Variants in YKT6 observed in about 807,000 individuals in gnomAD.
YKT6 encodes the protein synaptobrevin homolog YKT6.
A neutral mutation model predicts 29.3 loss-of-function variants in YKT6; 12 were observed. The observed-to-expected ratio is 0.41, with a 90% CI of 0.26 to 0.66. The LOEUF (loss-of-function observed/expected upper bound fraction) is 0.66, where lower values mean the gene tolerates loss of function less well. Ranked by LOEUF, YKT6 falls within the 30% of genes least tolerant of loss-of-function variation. YKT6 has a pLI of 0.32. For missense variants in YKT6, 188 were observed against 243.8 expected (o/e 0.77, Z 1.52); for synonymous variants, 86 against 94.3 (o/e 0.91, Z 0.51).
chr7:44,207,301 G>T, intron 3 of YKT6, 87 bp from the exon 4 acceptor site: 1 of 1,117,672 alleles, frequency 8.9e-7, no homozygotes, highest in South Asian at 1.4e-5. Flanking sequence ...CCTCATTCAG[G>T]GTGAGGTGCT....
Position 44,213,584 on chromosome 7 carries a change from A to T in YKT6, c.*1302A>T, listed in dbSNP as rs2096349159. 1 of 152,328 alleles carries T rather than the reference A, an allele frequency of 6.6e-6. No homozygotes were observed. Among genetic ancestry groups the T allele is most frequent in the Non-Finnish European group, 1.5e-5 (1 of 68,164 alleles). The allele number at this position is 152,328 out of a possible 1,614,324, so 9.4% of individuals were successfully genotyped here. Reference sequence around the variant, plus strand: ...CCTGTGCTCAGGATGCAGCCCTGGGATCCAGCACCCATGGAAGCTTCTGCT... The same window carrying T: ...CCTGTGCTCAGGATGCAGCCCTGGGTTCCAGCACCCATGGAAGCTTCTGCT... On this transcript the variant is annotated 3_prime_UTR_variant, in exon 7 of 7. Transcript: ENST00000223369.
rs1583653025 is a variant in YKT6 at position 44,214,200 on chromosome 7, TC to T, written c.*1919del. 1 of 152,252 alleles carries T rather than the reference TC, an allele frequency of 6.6e-6. No individual in the cohort carries two copies. The highest frequency in any genetic ancestry group is 2.4e-5 in the African/African-American group (1 of 41,456). 9.4% of individuals were successfully genotyped at this position (152,252 alleles called of 1,614,324 possible). On this transcript the variant is annotated 3_prime_UTR_variant, in exon 7 of 7. Transcript: ENST00000223369. ...TGCTCCTGTTGTGTTCTGTTGTAAA[TC>T]ATTTGGCGAGACTGTATTTTAGTAA... is the stretch of plus-strand genomic sequence containing the variant.
chr7:44,207,594 A>T (rs546729927), intron 4 of YKT6, 102 bp downstream of exon 4: 2 of 946,948 alleles, frequency 2.1e-6, no homozygotes, highest in East Asian at 5.1e-5. Context: ...TACTTCTGAC[A>T]GCTTCTGATG....
intron 5 of YKT6, chr7:44,210,719 T>C: frequency 2.2e-6 from 1 of 445,580 alleles, no homozygotes; most frequent in Non-Finnish European, 4.4e-6. Flanking sequence ...TATAAATGTG[T>C]GTGTATATAT....
chr7:44,212,188 T>C (rs1044594031), intron 6 of YKT6, 59 bp from the exon 7 acceptor site: 26 of 1,609,000 alleles, frequency 1.6e-5, no homozygotes, highest in South Asian at 7.7e-5. Context: ...CCTGCCAGGA[T>C]TGGGGCTTCC....
chr7:44,211,742 G>C, intron 6 of YKT6: 1 of 509,224 alleles, frequency 2.0e-6, no homozygotes, highest in Non-Finnish European at 2.6e-6. Context: ...GGTGGGATTA[G>C]GAAGATAGTC....
Position 44,202,487 on chromosome 7 carries a change from T to C in YKT6, c.104+1248T>C, listed in dbSNP as rs192141187. ...CCATTCTAATTTGTCTCTGTGATTTTGACTTTTCTGGCGACCTTAGATAAA... is the reference window on the plus strand; with the variant it reads ...CCATTCTAATTTGTCTCTGTGATTTCGACTTTTCTGGCGACCTTAGATAAA... On this transcript the variant is annotated intron_variant, in intron 1 of 6. Coordinates refer to ENST00000223369, the MANE Select transcript of YKT6 (RefSeq NM_006555.4). Among the ~76,000 whole-genome samples, 4 of 152,356 alleles carry C rather than the reference T, an allele frequency of 2.6e-5. No homozygotes were observed. The East Asian group carries it at 7.7e-4, about 29-fold the overall frequency.
At chr7:44,211,591 C>T in intron 6 of YKT6, 2 of 1,009,794 alleles carry the variant, frequency 2.0e-6, no homozygotes, top group Non-Finnish European at 2.4e-6. Context: ...CTGCTGACTG[C>T]CGCTTTCTCT....
intron 5 of YKT6, 85 bp from the exon 6 acceptor site, chr7:44,210,938 C>G (rs1435348536): frequency 1.4e-6 from 2 of 1,422,410 alleles, no homozygotes; most frequent in Non-Finnish European, 2.0e-6. Flanking sequence ...CCAGGTAAGG[C>G]ACTTTCCCCC....
intron 5 of YKT6, among the ~76,000 whole-genome samples, chr7:44,210,307 GTGTC>G (rs376501381): frequency 4.6e-4 from 70 of 152,328 alleles, no homozygotes; most frequent in African/African-American, 1.6e-3. Context: ...GGGGCTCTGA[GTGTC>G]TGTCCCAGGC....
intron 6 of YKT6, among the ~76,000 whole-genome samples, 166 bp downstream of exon 6, chr7:44,211,290 T>G (rs1185018477): frequency 1.3e-5 from 2 of 152,084 alleles, no homozygotes; most frequent in Non-Finnish European, 2.9e-5. Context: ...CAGGCCCAGG[T>G]GGTTGGAGGC....
rs1446402208 is a variant in YKT6, at chr7:44,206,387, T to C, written c.190T>C (p.Tyr64His). ...TGTCTGATCTCTTGTCTCCTTAGAC[T>C]ATCTGTGCCACGTCTACGTCCGGAA... ...GTRASVKEQD[Y>H]LCHVYVRNDS... is the part of the protein sequence containing the mutation. Residue 64 changes from tyrosine to histidine, a missense_variant and splice_region_variant, in exon 3 of 7, where the codon TAT becomes CAT. Tyr to His is a moderately conservative substitution (Grantham distance 83). This residue lies in a region of YKT6 where 100 missense variants were observed against 136.3 expected (regional missense o/e 0.73). Transcript: ENST00000223369. The C allele has an allele frequency of 6.2e-7, 1 of 1,614,068 alleles. No homozygotes were observed.
chr7:44,210,586 G>C (rs1226423647), intron 5 of YKT6: 11 of 292,372 alleles, frequency 3.8e-5, no homozygotes, highest in Admixed American at 9.6e-5. Flanking sequence ...GTTGGGGTTG[G>C]GGGGTGCGGT....
In YKT6 at chr7:44,201,238, A is replaced by G; in HGVS notation, c.103A>G (p.Ser35Gly). ...VSSFSFFQRSSVQEFMTFTSQ... is the reference protein window; with the variant it reads ...VSSFSFFQRSGVQEFMTFTSQ... ...TTCCTTCAGCTTTTTCCAGAGATCCAGGTGAGCGGCACAGGCTGGTGGGCC... is the reference window on the plus strand; with the variant it reads ...TTCCTTCAGCTTTTTCCAGAGATCCGGGTGAGCGGCACAGGCTGGTGGGCC... Residue 35 changes from serine (S) to glycine (G), a missense_variant and splice_region_variant, in exon 1 of 7, where the codon AGC (serine) becomes GGC (glycine). Coordinates refer to ENST00000223369, the MANE Select transcript of YKT6 (RefSeq NM_006555.4). 1 of 1,606,318 alleles carries G rather than the reference A, an allele frequency of 6.2e-7. No homozygotes were observed. Among genetic ancestry groups the G allele is most frequent in the South Asian group, 1.1e-5 (1 of 90,644 alleles).
intron 2 of YKT6, among the ~76,000 whole-genome samples, chr7:44,205,100 C>T (rs1203710109): frequency 6.6e-6 from 1 of 152,152 alleles, no homozygotes; most frequent in South Asian, 2.1e-4. Flanking sequence ...ACAGACAGAT[C>T]AGGAAAGAGT....
At chr7:44,206,254 A>T (rs917793) in intron 2 of YKT6, 131 bp from the exon 3 acceptor site, 155,523 of 845,800 alleles carry the variant, frequency 0.18, 15,636 homozygotes, top group Admixed American at 0.32. Flanking sequence ...TCTCCACAAG[A>T]CTTGCCCAGA....
intron 1 of YKT6, 41 bp from the exon 2 acceptor site, chr7:44,204,527 G>A: frequency 6.2e-7 from 1 of 1,601,418 alleles, no homozygotes; most frequent in Non-Finnish European, 8.6e-7. Context: ...TGGGGACAAG[G>A]TGATAAGAAG....
chr7:44,207,787 C>T (rs781074869), intron 4 of YKT6, among the ~76,000 whole-genome samples: 10 of 151,888 alleles, frequency 6.6e-5, no homozygotes, highest in South Asian at 4.2e-4. Flanking sequence ...AGTGCAGTGG[C>T]GCAATCTCGG....
chr7:44,202,702 A>G (rs777045695), intron 1 of YKT6, among the ~76,000 whole-genome samples: 3 of 152,194 alleles, frequency 2.0e-5, no homozygotes, highest in African/African-American at 7.2e-5. Context: ...CATTTCAGCC[A>G]TTGTGAATGA....
Sources: gnomAD v4.1 joint callset for allele counts (sites outside exome capture counted in the v4.1 genomes callset) on GRCh38, gnomAD v4.1.1 for gene constraint, gnomAD v4.1.1 regional missense constraint, MANE v1.5 for transcripts, NCBI Gene and HGNC (gene_info 2026-07-23, HGNC 2026-07-21) for gene names.